PCSK5: variants seen among roughly 807,000 people sequenced by gnomAD.
PCSK5 encodes the protein prohormone convertase 5.
In PCSK5, 129 loss-of-function variants were observed where a neutral mutation model predicts 233.2. The observed-to-expected ratio is 0.55, with a 90% CI of 0.48 to 0.64. PCSK5 has a LOEUF of 0.64. PCSK5 is among the 30% of genes least tolerant of loss of function. The probability of loss-of-function intolerance (pLI) is 0.00; values close to 1 mark genes in which losing one functional copy is unlikely to be tolerated. For synonymous variants in PCSK5, 825 were observed against 879.2 expected, an observed-to-expected ratio of 0.94 and a Z score of 1.09; for missense variants, 2,076 against 2,430.1, an observed-to-expected ratio of 0.85 and a Z score of 3.06.
intron 12 of PCSK5, among the ~76,000 whole-genome samples, chr9:76,165,404 A>G (rs1158076748): frequency 6.6e-6 from 1 of 152,214 alleles, no homozygotes; most frequent in Non-Finnish European, 1.5e-5. Flanking sequence ...ATAACATCAC[A>G]GAAGAATGCT....
chr9:76,113,985 T>C (rs1832327225), intron 9 of PCSK5, among the ~76,000 whole-genome samples: 1 of 152,050 alleles, frequency 6.6e-6, no homozygotes, highest in South Asian at 2.1e-4. Context: ...CAGAGAGAAA[T>C]ACAAGCATAT....
At position 75,891,331 on chromosome 9, in the gene PCSK5, C is replaced by T. The variant is rs1825586403; in HGVS notation, c.150C>T (p.Ala50=). The change falls in exon 1 of 38, where the codon GCC becomes GCT. Residue 50 remains alanine, a synonymous_variant. Coordinates refer to ENST00000674117, the MANE Select transcript of PCSK5 (RefSeq NM_001372043.1). ...AAATCGCCGGGGGCTTCCCGGAGGC[C>T]AACCGTATCGCCAGCAAGTACGGAT... ...AVKIAGGFPE[A]NRIASKYGFI... 1.3e-6 allele frequency: 2 copies of T among 1,563,464 alleles called. No homozygotes were observed. Among genetic ancestry groups the T allele is most frequent in the East Asian group, 5.1e-5 (2 of 39,144 alleles).
chr9:76,272,445 A>G (rs1827544600), intron 24 of PCSK5, among the ~76,000 whole-genome samples: 1 of 152,032 alleles, frequency 6.6e-6, no homozygotes, highest in Non-Finnish European at 1.5e-5. Flanking sequence ...ACAACTGCCT[A>G]CAAATCTAAA....
chr9:75,939,949 C>T (rs551559572), intron 2 of PCSK5, among the ~76,000 whole-genome samples: 2 of 152,304 alleles, frequency 1.3e-5, no homozygotes, highest in South Asian at 2.1e-4. Flanking sequence ...TGCCTCATCA[C>T]GTGGATGTGT....
intron 13 of PCSK5, among the ~76,000 whole-genome samples, chr9:76,173,600 C>G (rs1413642205): frequency 7.4e-6 from 1 of 135,406 alleles, no homozygotes; most frequent in African/African-American, 2.7e-5. Flanking sequence ...TAAACTAAAG[C>G]AAAATGTTCC....
chr9:76,029,248 A>G (rs543459525), intron 5 of PCSK5, among the ~76,000 whole-genome samples: 2 of 152,318 alleles, frequency 1.3e-5, no homozygotes, highest in African/African-American at 4.8e-5. Flanking sequence ...ACAGTGTACT[A>G]TAAGGTAAAT....
intron 24 of PCSK5, among the ~76,000 whole-genome samples, chr9:76,291,399 C>T (rs1341072695): frequency 6.6e-6 from 1 of 152,166 alleles, no homozygotes; most frequent in African/African-American, 2.4e-5. Context: ...TAAGGAGGAA[C>T]AGTTGTCTTT....
intron 28 of PCSK5, among the ~76,000 whole-genome samples, chr9:76,304,610 C>G (rs1188117210): frequency 6.1e-4 from 81 of 132,098 alleles, no homozygotes; most frequent in African/African-American, 2.3e-3. Context: ...TATTTTCTCT[C>G]ATTTTAGAGA....
chr9:76,071,362 T>G (rs1830474678), intron 6 of PCSK5, among the ~76,000 whole-genome samples: 1 of 152,160 alleles, frequency 6.6e-6, no homozygotes, highest in South Asian at 2.1e-4. Context: ...ATATCAATTA[T>G]GAACACAAGT....
At chr9:76,079,540 T>C (rs1291154558) in intron 7 of PCSK5, among the ~76,000 whole-genome samples, 2 of 152,202 alleles carry the variant, frequency 1.3e-5, no homozygotes, top group Non-Finnish European at 2.9e-5. Context: ...TCACTGAAGT[T>C]GTTTATTGGT....
chr9:76,262,303 G>A (rs891731060), intron 24 of PCSK5, among the ~76,000 whole-genome samples: 6 of 152,152 alleles, frequency 3.9e-5, no homozygotes, highest in Non-Finnish European at 8.8e-5. Context: ...AACCAAAAAA[G>A]AGCATGCATC....
intron 15 of PCSK5, among the ~76,000 whole-genome samples, chr9:76,180,087 G>GTATATATATATATATATA (rs1554701013): frequency 4.6e-4 from 61 of 132,604 alleles, no homozygotes; most frequent in African/African-American, 1.7e-3. Context: ...GTGTGTGTGT[G>GTATATATATATATATATA]TATATATATA....
intron 7 of PCSK5, among the ~76,000 whole-genome samples, chr9:76,074,198 C>A (rs1587591607): frequency 6.6e-6 from 1 of 152,180 alleles, no homozygotes; most frequent in Admixed American, 6.5e-5. Context: ...TACCTCTGCA[C>A]ATTACTATTT....
At chr9:75,981,481 T>A (rs1330705717) in intron 2 of PCSK5, among the ~76,000 whole-genome samples, 1 of 152,234 alleles carries the variant, frequency 6.6e-6, no homozygotes, top group Non-Finnish European at 1.5e-5. Context: ...TAATATAAAA[T>A]CATCTAAGGC....
chr9:75,893,697 C>T (rs927165116), intron 1 of PCSK5, among the ~76,000 whole-genome samples: 3 of 152,116 alleles, frequency 2.0e-5, no homozygotes, highest in African/African-American at 7.2e-5. Flanking sequence ...AGATTCATGG[C>T]TTCTCATTAA....
intron 3 of PCSK5, among the ~76,000 whole-genome samples, chr9:76,013,924 T>C (rs750315997): frequency 1.3e-5 from 2 of 151,930 alleles, no homozygotes; most frequent in Non-Finnish European, 2.9e-5. Context: ...AAAAAAATTA[T>C]TTCCCATAAT....
chr9:76,209,124 G>A (rs1825229981), intron 20 of PCSK5, among the ~76,000 whole-genome samples: 1 of 152,204 alleles, frequency 6.6e-6, no homozygotes, highest in African/African-American at 2.4e-5. Context: ...GGGCTGGTGT[G>A]CTCTGAAGCC....
At chr9:76,238,380 G>A (rs984174415) in intron 22 of PCSK5, among the ~76,000 whole-genome samples, 3 of 152,202 alleles carry the variant, frequency 2.0e-5, no homozygotes, top group African/African-American at 4.8e-5. Context: ...CCTCAGGAAT[G>A]CACGTAAAAG....
intron 37 of PCSK5, among the ~76,000 whole-genome samples, chr9:76,355,829 G>A (rs543341647): frequency 6.6e-6 from 1 of 152,048 alleles, no homozygotes; most frequent in African/African-American, 2.4e-5. Context: ...TCAGCCTCCA[G>A]AGTAGCTTGG....
Sources: gnomAD v4.1 joint callset for allele counts (sites outside exome capture counted in the v4.1 genomes callset) on GRCh38, gnomAD v4.1.1 for gene constraint, MANE v1.5 for transcripts, NCBI Gene and HGNC (gene_info 2026-07-23, HGNC 2026-07-21) for gene names.